Variants in ABCA12 observed in about 807,000 individuals in gnomAD.
ABCA12 encodes the protein ATP binding cassette subfamily A member 12.
A neutral mutation model predicts 293.5 loss-of-function variants in ABCA12; 156 were observed. The observed-to-expected ratio is 0.53, with a 90% CI of 0.47 to 0.61. The LOEUF (loss-of-function observed/expected upper bound fraction) is 0.61, where lower values mean the gene tolerates loss of function less well. Among genes scored for constraint, ABCA12 ranks in the 20% least tolerant of loss-of-function variants. The probability of loss-of-function intolerance (pLI) is 0.00; values close to 1 mark genes in which losing one functional copy is unlikely to be tolerated. For synonymous variants in ABCA12, 1,063 were observed against 1,108.0 expected, an observed-to-expected ratio of 0.96 and a Z score of 0.81; for missense variants, 2,797 against 3,090.2, an observed-to-expected ratio of 0.91 and a Z score of 2.25.
At chr2:215,091,627 G>A (rs1248732957) in intron 2 of ABCA12, among the ~76,000 whole-genome samples, 2 of 152,120 alleles carry the variant, frequency 1.3e-5, no homozygotes, top group Admixed American at 6.5e-5. Context: ...ATTAGAAAAA[G>A]CTCCAAAAAT....
intron 14 of ABCA12, among the ~76,000 whole-genome samples, chr2:215,017,472 C>T (rs535828335): frequency 5.9e-4 from 90 of 152,172 alleles, no homozygotes; most frequent in African/African-American, 2.0e-3. Flanking sequence ...TCTTGCTGTA[C>T]GACTTTTAAA....
chr2:215,009,355 T>A (rs186683766), intron 18 of ABCA12, among the ~76,000 whole-genome samples: 1 of 151,948 alleles, frequency 6.6e-6, no homozygotes, highest in South Asian at 2.1e-4. Flanking sequence ...AACTAATGGG[T>A]ACTAGGCTTA....
In ABCA12 at chr2:214,982,274, T is replaced by A. The variant is rs759276146; in HGVS notation, c.4492A>T (p.Arg1498Trp). 2 of 1,614,080 alleles carry A rather than the reference T, an allele frequency of 1.2e-6. No individual in the cohort carries two copies. Among genetic ancestry groups the A allele is most frequent in the African/African-American group, 2.7e-5 (2 of 75,014 alleles). The change falls in exon 30 of 53, where the codon AGG becomes TGG. Residue 1498 changes from arginine (R) to tryptophan (W), a missense_variant. Physicochemically the swap from Arg to Trp is moderately radical, Grantham distance 101. Around this residue, in one of 3 missense-constraint regions of ABCA12, gnomAD observed 2,130 missense variants for 2,427.0 expected, o/e 0.88. Transcript: ENST00000272895. ...SISIALIGGSRVVILDEPSTG... is the reference protein window; with the variant it reads ...SISIALIGGSWVVILDEPSTG... ...GATGGTTCATCCAAAATTACTACCC[T>A]TGATCCACCAATGAGAGCTATGGAT... is the stretch of plus-strand genomic sequence containing the variant.
At chr2:214,960,837 C>T (rs886615519) in intron 39 of ABCA12, among the ~76,000 whole-genome samples, 3 of 151,904 alleles carry the variant, frequency 2.0e-5, no homozygotes, top group African/African-American at 7.3e-5. Context: ...GGAAAACAAG[C>T]AAACCTGTAT....
At chr2:214,935,506 T>G (rs1247269775) in intron 51 of ABCA12, among the ~76,000 whole-genome samples, 1 of 152,168 alleles carries the variant, frequency 6.6e-6, no homozygotes, top group East Asian at 1.9e-4. Context: ...ATAAGAATCC[T>G]GAAAGCTAGG....
chr2:214,959,074 G>A lies in ABCA12; in HGVS notation c.5889C>T (p.Ile1963=), dbSNP rs146558174. Residue 1963 remains isoleucine, a synonymous_variant, in exon 40 of 53, where the codon ATC becomes ATT. Coordinates refer to ENST00000272895, the MANE Select transcript of ABCA12 (RefSeq NM_173076.3). ...MSKYDAARHG[I]IMYSHPYPGV... is the part of the protein sequence containing the mutation. ...CTGGATAAGGATGGCTATACATGATGATGCCTTAAAGACGAAACAGTTCTT... is the reference window on the plus strand; with the variant it reads ...CTGGATAAGGATGGCTATACATGATAATGCCTTAAAGACGAAACAGTTCTT... The A allele has an allele frequency of 9.6e-5, 155 of 1,613,738 alleles. No individual in the cohort carries two copies. The highest frequency in any genetic ancestry group is 1.3e-4 in the Non-Finnish European group (153 of 1,179,684).
chr2:215,063,118 T>C (rs1357996890), intron 3 of ABCA12, among the ~76,000 whole-genome samples: 1 of 151,908 alleles, frequency 6.6e-6, no homozygotes, highest in African/African-American at 2.4e-5. Context: ...TCCCAGCAAT[T>C]AGGGGTCCCA....
At chr2:214,943,569 A>ATC (rs1292050032) in intron 49 of ABCA12, among the ~76,000 whole-genome samples, 2 of 152,132 alleles carry the variant, frequency 1.3e-5, no homozygotes, top group East Asian at 3.9e-4. Context: ...ACCAAAGGCC[A>ATC]TCTCTCTCTC....
At chr2:214,981,494 T>C (rs1318094387) in intron 30 of ABCA12, among the ~76,000 whole-genome samples, 1 of 152,170 alleles carries the variant, frequency 6.6e-6, no homozygotes. Context: ...CCTCTAAGCA[T>C]TAAACTTTGA....
rs1482382061 is a variant in ABCA12, at chr2:214,974,063, G to C, written c.5469-21C>G. The C allele has an allele frequency of 1.9e-6, 3 of 1,594,862 alleles. No homozygotes were observed. In the African/African-American group the frequency reaches 4.0e-5, roughly 21 times the overall value. The stretch of plus-strand genomic sequence containing the variant: ...ACTGTCTGCAAGTTAAAATGATATT[G>C]CTGTGAGGTGTGTATGTATATGTGT... On this transcript the variant is annotated intron_variant, in intron 35 of 52. Coordinates refer to ENST00000272895, the MANE Select transcript of ABCA12 (RefSeq NM_173076.3).
chr2:215,100,906 G>A (rs1204539743), intron 2 of ABCA12, among the ~76,000 whole-genome samples: 2 of 152,158 alleles, frequency 1.3e-5, no homozygotes, highest in Admixed American at 1.3e-4. Context: ...GCATGGACCT[G>A]GGTTCCCTGG....
At chr2:215,108,904 C>T (rs1702514531) in intron 2 of ABCA12, among the ~76,000 whole-genome samples, 1 of 152,052 alleles carries the variant, frequency 6.6e-6, no homozygotes, top group East Asian at 1.9e-4. Context: ...CCCGTCTCTA[C>T]TAAAAATACA....
chr2:214,941,226 G>A (rs1341291384), intron 50 of ABCA12, among the ~76,000 whole-genome samples: 2 of 152,148 alleles, frequency 1.3e-5, no homozygotes, highest in Non-Finnish European at 2.9e-5. Flanking sequence ...TATTTACCCA[G>A]TAGTCATTCA....
chr2:214,985,823 G>GC (rs1699773344), intron 28 of ABCA12, among the ~76,000 whole-genome samples: 1 of 152,178 alleles, frequency 6.6e-6, no homozygotes, highest in Admixed American at 6.5e-5. Context: ...AGCTGACTCA[G>GC]CAACTAAGTG....
intron 42 of ABCA12, among the ~76,000 whole-genome samples, chr2:214,956,069 T>C (rs1370391742): frequency 6.6e-6 from 1 of 152,178 alleles, no homozygotes; most frequent in Non-Finnish European, 1.5e-5. Flanking sequence ...CCTTGAGCAA[T>C]TTGGGGGGCA....
chr2:215,078,269 C>A (rs1202798971), intron 2 of ABCA12, among the ~76,000 whole-genome samples: 2 of 152,202 alleles, frequency 1.3e-5, no homozygotes, highest in Non-Finnish European at 2.9e-5. Context: ...AAAACAATCC[C>A]ATTCATTCCC....
intron 2 of ABCA12, among the ~76,000 whole-genome samples, chr2:215,102,087 G>GA (rs35364472): frequency 6.6e-6 from 1 of 152,020 alleles, no homozygotes; most frequent in South Asian, 2.1e-4. Flanking sequence ...TACATGCATA[G>GA]AAAAAAGTCC....
intron 15 of ABCA12, among the ~76,000 whole-genome samples, chr2:215,014,248 G>T (rs999563660): frequency 1.3e-5 from 2 of 151,966 alleles, no homozygotes; most frequent in Non-Finnish European, 2.9e-5. Context: ...CAAAACAGAA[G>T]CCAGAATAGG....
chr2:214,942,146 A>T (rs1017109269), intron 50 of ABCA12, among the ~76,000 whole-genome samples: 1 of 152,170 alleles, frequency 6.6e-6, no homozygotes, highest in African/African-American at 2.4e-5. Context: ...ATTTGGTGTC[A>T]TCAATAAAAA....
Sources: allele counts gnomAD v4.1 joint callset (sites outside exome capture counted in the v4.1 genomes callset), GRCh38; gene constraint gnomAD v4.1.1; regional missense constraint gnomAD v4.1.1; transcripts MANE v1.5; gene names NCBI Gene and HGNC (gene_info 2026-07-23, HGNC 2026-07-21).